The following LINC00305 variants were observed in gnomAD, a reference collection of about 807,000 sequenced individuals.
The protein encoded by LINC00305 is long independently transcribed non-coding RNA 305, also known as long intergenic non-protein coding RNA 305.
At chr18:64,118,080 G>A (rs11152420) in intron 1 of LINC00305, among the ~76,000 whole-genome samples, 23,855 of 152,088 alleles carry the variant, frequency 0.16, 1,938 homozygotes, top group African/African-American at 0.18. Context: ...TTATATAAAA[G>A]TAATTACTTA....
At chr18:64,148,058 T>G (rs900377790) in intron 1 of LINC00305, among the ~76,000 whole-genome samples, 1 of 151,922 alleles carries the variant, frequency 6.6e-6, no homozygotes, top group Non-Finnish European at 1.5e-5. Flanking sequence ...GAGACATGGG[T>G]TTTCCAGGTC....
At chr18:64,140,437 G>A (rs944510608) in intron 1 of LINC00305, among the ~76,000 whole-genome samples, 3 of 152,120 alleles carry the variant, frequency 2.0e-5, no homozygotes, top group African/African-American at 7.2e-5. Context: ...TCGAACACGT[G>A]ACCTCAGGTG....
intron 1 of LINC00305, among the ~76,000 whole-genome samples, chr18:64,105,935 T>C (rs1276938491): frequency 6.6e-6 from 1 of 152,244 alleles, no homozygotes; most frequent in Non-Finnish European, 1.5e-5. Flanking sequence ...GAAAGGCTTT[T>C]ATCCCTGTGC....
intron 3 of LINC00305, among the ~76,000 whole-genome samples, chr18:64,089,603 G>A (rs1324700883): frequency 6.6e-6 from 1 of 152,178 alleles, no homozygotes; most frequent in Non-Finnish European, 1.5e-5. Context: ...GGCAGGAAAT[G>A]AGTTGTCCTG....
At chr18:64,103,893 T>G (rs2051278142) in intron 1 of LINC00305, among the ~76,000 whole-genome samples, 1 of 152,180 alleles carries the variant, frequency 6.6e-6, no homozygotes, top group Non-Finnish European at 1.5e-5. Context: ...ATGGACAGGG[T>G]CACAGTTACA....
intron 1 of LINC00305, among the ~76,000 whole-genome samples, chr18:64,137,348 T>G (rs1017769667): frequency 5.3e-5 from 8 of 152,228 alleles, no homozygotes; most frequent in Admixed American, 5.2e-4. Context: ...AGAACACATT[T>G]CTGTTATTTT....
chr18:64,128,004 A>G (rs552748985), intron 1 of LINC00305, among the ~76,000 whole-genome samples: 2 of 152,130 alleles, frequency 1.3e-5, no homozygotes, highest in Non-Finnish European at 2.9e-5. Context: ...AGGTTACTCC[A>G]GTAAGAAATC....
At chr18:64,135,963 G>A (rs117476607) in intron 1 of LINC00305, among the ~76,000 whole-genome samples, 1 of 152,220 alleles carries the variant, frequency 6.6e-6, no homozygotes, top group East Asian at 1.9e-4. Flanking sequence ...GCATGGGGAG[G>A]GACGGACGTG....
chr18:64,114,817 G>C (rs1253038546), intron 1 of LINC00305, among the ~76,000 whole-genome samples: 1 of 152,248 alleles, frequency 6.6e-6, no homozygotes, highest in African/African-American at 2.4e-5. Context: ...CCGAAGTGCT[G>C]GGATTACAGG....
intron 3 of LINC00305, among the ~76,000 whole-genome samples, chr18:64,094,451 G>A (rs2051237037): frequency 6.6e-6 from 1 of 152,198 alleles, no homozygotes; most frequent in Non-Finnish European, 1.5e-5. Flanking sequence ...TGCTGCTGGA[G>A]AGTAAGGATC....
intron 1 of LINC00305, among the ~76,000 whole-genome samples, chr18:64,106,549 T>C (rs1397410633): frequency 3.3e-5 from 5 of 152,210 alleles, no homozygotes; most frequent in Non-Finnish European, 7.4e-5. Flanking sequence ...CTGGAGTTTC[T>C]GGGTTCTATC....
chr18:64,086,124 T>C (rs983203065), intron 3 of LINC00305, among the ~76,000 whole-genome samples: 4 of 152,226 alleles, frequency 2.6e-5, no homozygotes, highest in Non-Finnish European at 5.9e-5. Flanking sequence ...GCAGAAAGTT[T>C]GTCTATGGGG....
chr18:64,093,110 C>T (rs976782399), intron 3 of LINC00305, among the ~76,000 whole-genome samples: 7 of 152,070 alleles, frequency 4.6e-5, no homozygotes, highest in Admixed American at 4.6e-4. Context: ...AAAATATTAG[C>T]CTTAAAGGAA....
At chr18:64,131,177 T>C (rs2051408278) in intron 1 of LINC00305, among the ~76,000 whole-genome samples, 1 of 152,230 alleles carries the variant, frequency 6.6e-6, no homozygotes, top group Admixed American at 6.5e-5. Context: ...CATCAATTGA[T>C]ATGTGTTACT....
chr18:64,126,786 G>A (rs1344287003), intron 1 of LINC00305, among the ~76,000 whole-genome samples: 2 of 152,064 alleles, frequency 1.3e-5, no homozygotes, highest in East Asian at 3.9e-4. Flanking sequence ...GTAATGTTAA[G>A]CACTCAGGAG....
chr18:64,112,977 A>T (rs1174511790), intron 1 of LINC00305, among the ~76,000 whole-genome samples: 1 of 152,224 alleles, frequency 6.6e-6, no homozygotes, highest in African/African-American at 2.4e-5. Flanking sequence ...AGCTATCATG[A>T]CAATTTCTTA....
At chr18:64,137,618 C>A (rs990706500) in intron 1 of LINC00305, among the ~76,000 whole-genome samples, 7 of 152,070 alleles carry the variant, frequency 4.6e-5, no homozygotes, top group Admixed American at 1.3e-4. Flanking sequence ...AATTAAAATT[C>A]CGAAGTTGGG....
Position 64,132,469 on chromosome 18 carries a change from G to A in LINC00305, n.314+16306C>T, listed in dbSNP as rs567472293. Among the ~76,000 whole-genome samples the A allele has an allele frequency of 2.6e-5, 4 of 152,138 alleles. No homozygotes were observed. The South Asian group carries it at 8.3e-4, about 32-fold the overall frequency. ...TGTTTCAAGCGCTCTGCCGAATTCC[G>A]TACATACGTCACCTTGTATAAACCT... On this transcript the variant is annotated intron_variant and non_coding_transcript_variant, in intron 1 of 3. Transcript: ENST00000666468.
At chr18:64,098,895 A>C (rs994568285) in intron 1 of LINC00305, among the ~76,000 whole-genome samples, 2 of 152,184 alleles carry the variant, frequency 1.3e-5, no homozygotes, top group African/African-American at 4.8e-5. Context: ...GGGTCAAGGC[A>C]CTAAGCCAAG....
Sources: allele counts gnomAD v4.1 joint callset (sites outside exome capture counted in the v4.1 genomes callset), GRCh38; gene constraint gnomAD v4.1.1; transcripts MANE v1.5; gene names NCBI Gene and HGNC (gene_info 2026-07-23, HGNC 2026-07-21).